Variants in BAIAP3 observed in about 807,000 individuals in gnomAD.
The protein encoded by BAIAP3 is BAI1 associated protein 3.
BAIAP3 carries 180 observed loss-of-function variants against 149.7 expected under a neutral mutation model. The observed-to-expected ratio is 1.20, with a 90% CI of 1.07 to 1.36. The LOEUF (loss-of-function observed/expected upper bound fraction) is 1.36, where lower values mean the gene tolerates loss of function less well. Among genes scored for constraint, BAIAP3 ranks in the 40% most tolerant of loss-of-function variants. The pLI, the probability that BAIAP3 is intolerant of heterozygous loss-of-function variation, is 0.00. For synonymous variants in BAIAP3, 845 were observed against 670.7 expected, an observed-to-expected ratio of 1.26 and a Z score of -4.02; for missense variants, 1,767 against 1,563.4, an observed-to-expected ratio of 1.13 and a Z score of -2.20.
rs748432640 is a variant in BAIAP3, at chr16:1,349,324, A to G, written c.*842A>G. 5.1e-6 allele frequency: 6 copies of G among 1,182,252 alleles called. No homozygotes were observed. In the South Asian group the frequency reaches 6.2e-5, roughly 12 times the overall value. 73.2% of individuals were successfully genotyped at this position (1,182,252 alleles called of 1,614,324 possible). A position where few individuals can be genotyped will look rare whatever the true frequency, so the allele number is the denominator to read the frequency against. ...CTGGAAGTGTGGGGAGAACCCGGAC[A>G]GCTCAGTCCTGCCAGCAGCCGCAAA... On this transcript the variant is annotated 3_prime_UTR_variant, in exon 34 of 34. Transcript: ENST00000426824.
chr16:1,348,004 G>T lies in BAIAP3; in HGVS notation c.3136G>T (p.Glu1046Ter), dbSNP rs567104517. The change falls in exon 32 of 34, where the codon GAA becomes TAA. Residue 1046 changes from glutamate (E) to a stop codon, truncating the protein, a stop_gained. Transcript: ENST00000426824. LOFTEE classifies it high-confidence loss of function. The part of the protein sequence containing the change: ...KTRTLHPVYD[E>*]LFYFSVPAEA... ...CCGGACGCTGCACCCTGTATACGAC[G>T]AACTCTTCTACTTGTGAGTGTCCTA... The T allele has an allele frequency of 1.2e-6, 2 of 1,609,316 alleles. No homozygotes were observed. Among genetic ancestry groups the T allele is most frequent in the East Asian group, 4.5e-5 (2 of 44,856 alleles).
intron 5 of BAIAP3, among the ~76,000 whole-genome samples, chr16:1,339,906 ACGC>A (rs2033762897): frequency 6.8e-6 from 1 of 146,514 alleles, no homozygotes; most frequent in Non-Finnish European, 1.5e-5. Context: ...GCACACAGAC[ACGC>A]ACACAGGCTG....
chr16:1,339,557 C>T lies in BAIAP3; in HGVS notation c.362C>T (p.Pro121Leu). 2.5e-6 allele frequency: 4 copies of T among 1,612,716 alleles called. No individual in the cohort carries two copies. The highest frequency in any genetic ancestry group is 1.7e-5 in the Admixed American group (1 of 59,994). ...TVLYRAGTMG[P>L]DQVDDEEALL... The stretch of plus-strand genomic sequence containing the variant: ...CTTTACCGCGCGGGTACCATGGGCC[C>T]TGACCAGGTGGACGACGAGGAGGCC... The change falls in exon 5 of 34, where the codon CCT becomes CTT. Residue 121 changes from proline (P) to leucine (L), a missense_variant. By Grantham distance (98) the Pro-to-Leu change is moderately conservative (BLOSUM62 -3). Coordinates refer to ENST00000426824, the MANE Select transcript of BAIAP3 (RefSeq NM_001199097.2).
intron 1 of BAIAP3, chr16:1,336,147 G>A (rs1036656439): frequency 1.6e-5 from 15 of 938,778 alleles, no homozygotes; most frequent in African/African-American, 5.3e-5. Flanking sequence ...CCTGTCACAC[G>A]CACATGCCGC....
In BAIAP3 at chr16:1,343,493, C is replaced by T. The variant is rs1388516699; in HGVS notation, c.1366C>T (p.Pro456Ser). 1.2e-6 allele frequency: 2 copies of T among 1,605,446 alleles called. No homozygotes were observed. The highest frequency in any genetic ancestry group is 1.1e-5 in the South Asian group (1 of 89,770). Residue 456 changes from proline to serine, a missense_variant, in exon 15 of 34, where the codon CCT becomes TCT. Coordinates refer to ENST00000426824, the MANE Select transcript of BAIAP3 (RefSeq NM_001199097.2). ...EDMQAHWEEAPSLPQEQEESL... is the reference protein window; with the variant it reads ...EDMQAHWEEASSLPQEQEESL... ...CATGCAGGCACACTGGGAAGAGGCTCCTTCACTGCCCCAGGAGCAGGTGGG... is the reference window on the plus strand; with the variant it reads ...CATGCAGGCACACTGGGAAGAGGCTTCTTCACTGCCCCAGGAGCAGGTGGG...
intron 28 of BAIAP3, 74 bp downstream of exon 28, chr16:1,347,029 C>A: frequency 7.4e-7 from 1 of 1,358,684 alleles, no homozygotes; most frequent in Non-Finnish European, 1.0e-6. Context: ...TTTGTCCCCA[C>A]TGGCCTGCCT....
At chr16:1,343,176 AGGGGGCGGTGCTACGGGT>A in intron 14 of BAIAP3, 160 bp downstream of exon 14, 2 of 1,097,588 alleles carry the variant, frequency 1.8e-6, no homozygotes, top group Non-Finnish European at 2.6e-6. Context: ...CGGGAAGGGA[AGGGGGCGGTGCTACGGGT>A]AGGTGAGGCA....
chr16:1,339,512 A>C lies in BAIAP3; in HGVS notation c.317A>C (p.Glu106Ala), dbSNP rs371283238. 1 of 1,610,506 alleles carries C rather than the reference A, an allele frequency of 6.2e-7. No individual in the cohort carries two copies. The highest frequency in any genetic ancestry group is 2.2e-5 in the East Asian group (1 of 44,822). The part of the protein sequence containing the change: ...LAPEEVEMLY[E>A]EALYTVLYRA... ...CACCTGCAGGTGGAGATGCTCTACG[A>C]GGAGGCCCTGTACACGGTGCTTTAC... The change falls in exon 5 of 34, where the codon GAG becomes GCG. Residue 106 changes from glutamate (E) to alanine (A), a missense_variant. By Grantham distance (107) the Glu-to-Ala change is moderately radical. Transcript: ENST00000426824.
rs1294605307 is a variant in BAIAP3 at position 1,341,478 on chromosome 16, G to A, written c.720G>A (p.Glu240=). Residue 240 remains glutamate, a synonymous_variant, in exon 8 of 34, where the codon GAG becomes GAA. Transcript: ENST00000426824. ...KSSTLNPVWK[E]HFLFEIEDVS... Reference sequence around the variant, plus strand: ...GCACCCTGAACCCCGTCTGGAAGGAGCACTTCCTCTTGTGAGGCCCTCGCC... The same window carrying A: ...GCACCCTGAACCCCGTCTGGAAGGAACACTTCCTCTTGTGAGGCCCTCGCC... 6.2e-7 allele frequency: 1 copy of A among 1,609,262 alleles called. No individual in the cohort carries two copies. The highest frequency in any genetic ancestry group is 2.2e-5 in the East Asian group (1 of 44,756).
At position 1,336,206 on chromosome 16, in the gene BAIAP3, G is replaced by C. The variant is rs904921134; in HGVS notation, c.-10-2334G>C. Reference sequence around the variant, plus strand: ...CAGCAGCGGCTGCTCCACTGGCTTCGGGGGACAGCAGGGGGAGCAGCCTCT... The same window carrying C: ...CAGCAGCGGCTGCTCCACTGGCTTCCGGGGACAGCAGGGGGAGCAGCCTCT... On this transcript the variant is annotated intron_variant, in intron 1 of 33. Coordinates refer to ENST00000426824, the MANE Select transcript of BAIAP3 (RefSeq NM_001199097.2). 2.4e-5 allele frequency: 24 copies of C among 985,278 alleles called. No individual in the cohort carries two copies. The East Asian group carries it at 8.0e-4, about 33-fold the overall frequency. The allele number at this position is 985,278 out of a possible 1,614,324, so 61.0% of individuals were successfully genotyped here. A position where few individuals can be genotyped will look rare whatever the true frequency, so the allele number is the denominator to read the frequency against.
In BAIAP3 at chr16:1,340,939, T is replaced by C. The variant is rs1435189598; in HGVS notation, c.426T>C (p.Leu142=). ...CTCCACAGGTGTTTGGCACCAGCCTTGAGGAGCACACTGAGGCCATCGAGC... is the reference window on the plus strand; with the variant it reads ...CTCCACAGGTGTTTGGCACCAGCCTCGAGGAGCACACTGAGGCCATCGAGC... ...SYLQQVFGTS[L]EEHTEAIERV... is the part of the protein sequence containing the mutation. Residue 142 remains leucine (L), a synonymous_variant, in exon 6 of 34, where the codon CTT becomes CTC. Transcript: ENST00000426824. 3 of 1,579,100 alleles carry C rather than the reference T, an allele frequency of 1.9e-6. No individual in the cohort carries two copies. Among genetic ancestry groups the C allele is most frequent in the Non-Finnish European group, 2.6e-6 (3 of 1,162,870 alleles).
At chr16:1,343,067 A>T in intron 14 of BAIAP3, 51 bp downstream of exon 14, 1 of 1,158,772 alleles carries the variant, frequency 8.6e-7, no homozygotes, top group South Asian at 1.3e-5. Flanking sequence ...GGCGTGAGCG[A>T]GTGGGGCATC....
At chr16:1,334,094 C>T (rs903988408) in intron 1 of BAIAP3, among the ~76,000 whole-genome samples, 1 of 151,830 alleles carries the variant, frequency 6.6e-6, no homozygotes, top group Non-Finnish European at 1.5e-5. Flanking sequence ...GAGGCTTCGA[C>T]CCCCGCGCCT....
chr16:1,336,343 C>T (rs1001958033), intron 1 of BAIAP3: 22 of 984,136 alleles, frequency 2.2e-5, no homozygotes, highest in South Asian at 4.7e-5. Flanking sequence ...CCTACCAAGC[C>T]CCCCCATCTT....
chr16:1,339,235 C>T lies in BAIAP3; in HGVS notation c.291C>T (p.Ala97=), dbSNP rs769021214. The change falls in exon 4 of 34, where the codon GCC becomes GCT. Residue 97 remains alanine (A), a synonymous_variant. Transcript: ENST00000426824. ...CCAGCCTCGGCCTGAGAGCCCTGGC[C>T]CCAGAGGAGGTAAAGGTGGGGGTCG... ...VDPSLGLRAL[A]PEEVEMLYEE... 77 of 1,563,744 alleles carry T rather than the reference C, an allele frequency of 4.9e-5. No individual in the cohort carries two copies. In the South Asian group the frequency reaches 8.2e-4, roughly 17 times the overall value.
At chr16:1,337,177 C>G (rs985264762) in intron 1 of BAIAP3, among the ~76,000 whole-genome samples, 1 of 152,178 alleles carries the variant, frequency 6.6e-6, no homozygotes, top group African/African-American at 2.4e-5. Context: ...CATCCTACCC[C>G]TGTTGAAGGG....
At chr16:1,334,491 G>C in intron 1 of BAIAP3, 1 of 628,374 alleles carries the variant, frequency 1.6e-6, no homozygotes, top group Non-Finnish European at 2.8e-6. Flanking sequence ...AGAGGGAGGA[G>C]GGAGCGCTGC....
rs1233156614 is a variant in BAIAP3, at chr16:1,347,362, G to C, written c.2816G>C (p.Ser939Thr). 6.2e-7 allele frequency: 1 copy of C among 1,613,422 alleles called. No individual in the cohort carries two copies. The highest frequency in any genetic ancestry group is 1.7e-5 in the Admixed American group (1 of 59,986). The change falls in exon 29 of 34, where the codon AGC becomes ACC. Residue 939 changes from serine (S) to threonine (T), a missense_variant. By Grantham distance (58) the Ser-to-Thr change is moderately conservative. Transcript: ENST00000426824. ...GLPLESLRDG[S>T]YKRLKEELRL... ...CCCCTGGAGAGCCTGAGGGATGGAAGCTACAAGGTGAGGTGGGACCCTCTG... is the reference window on the plus strand; with the variant it reads ...CCCCTGGAGAGCCTGAGGGATGGAACCTACAAGGTGAGGTGGGACCCTCTG...
rs2034130327 is a variant in BAIAP3, at chr16:1,344,066, G to A, written c.1431G>A (p.Gly477=). 5.0e-6 allele frequency: 8 copies of A among 1,612,162 alleles called. No homozygotes were observed. The highest frequency in any genetic ancestry group is 1.7e-5 in the Admixed American group (1 of 59,998). Residue 477 remains glycine (G), a synonymous_variant, in exon 16 of 34, where the codon GGG becomes GGA. Coordinates refer to ENST00000426824, the MANE Select transcript of BAIAP3 (RefSeq NM_001199097.2). ...ADSLSAFSEF[G]LQLLRQLRDY... ...GCCTTTCCGCCTTCTCTGAGTTCGG[G>A]CTGCAGCTGCTGCGCCAGCTCCGAG... is the stretch of plus-strand genomic sequence containing the variant.
Sources: gnomAD v4.1 joint callset for allele counts (sites outside exome capture counted in the v4.1 genomes callset) on GRCh38, gnomAD v4.1.1 for gene constraint, MANE v1.5 for transcripts, NCBI Gene and HGNC (gene_info 2026-07-23, HGNC 2026-07-21) for gene names.